Variants in DOP1B observed in about 807,000 individuals in gnomAD.
DOP1B encodes protein DOP1B.
A neutral mutation model predicts 233.5 loss-of-function variants in DOP1B; 174 were observed. The observed-to-expected ratio is 0.75, with a 90% CI of 0.66 to 0.85. The LOEUF (loss-of-function observed/expected upper bound fraction) is 0.85. Ranked by LOEUF, DOP1B falls within the 40% of genes least tolerant of loss-of-function variation. The probability of loss-of-function intolerance (pLI) is 0.00; values close to 1 mark genes in which losing one functional copy is unlikely to be tolerated. For missense variants in DOP1B, 2,652 were observed against 2,846.6 expected (o/e 0.93, Z 1.56); for synonymous variants, 1,190 against 1,185.6 (o/e 1.00, Z -0.08).
chr21:36,226,299 T>C lies in DOP1B; in HGVS notation c.1473+632T>C, dbSNP rs180897912. On this transcript the variant is annotated intron_variant, in intron 12 of 36. Transcript: ENST00000691173. ...TCTTTTCTCTGTCTCTCTCTCTCTT[T>C]TTTTTTTTTTCTCCTGTGACAGAGT... 3.1e-4 allele frequency among the ~76,000 whole-genome samples: 47 copies of C among 151,904 alleles called. No homozygotes were observed. The East Asian group carries it at 5.6e-3, about 18-fold the overall frequency.
At chr21:36,218,202 C>A (rs990588892) in intron 9 of DOP1B, among the ~76,000 whole-genome samples, 2 of 152,160 alleles carry the variant, frequency 1.3e-5, no homozygotes, top group Non-Finnish European at 2.9e-5. Flanking sequence ...ATTTTTGTAA[C>A]AAGCATTTAG....
intron 4 of DOP1B, among the ~76,000 whole-genome samples, chr21:36,205,739 C>T (rs543513890): frequency 6.6e-6 from 1 of 150,678 alleles, no homozygotes; most frequent in Non-Finnish European, 1.5e-5. Context: ...GGCATGGTGG[C>T]TCATGCCTGT....
intron 1 of DOP1B, among the ~76,000 whole-genome samples, chr21:36,162,710 TTA>T (rs1491470878): frequency 4.6e-5 from 7 of 151,890 alleles, no homozygotes; most frequent in Non-Finnish European, 8.8e-5. Context: ...CAGCTATTTT[TTA>T]TGTTTATTTT....
intron 28 of DOP1B, among the ~76,000 whole-genome samples, 191 bp downstream of exon 28, chr21:36,277,291 C>CT (rs986426848): frequency 2.6e-4 from 39 of 149,472 alleles, no homozygotes; most frequent in East Asian, 5.9e-4. Context: ...AAGGACTGCA[C>CT]TTTTTTTTTT....
intron 2 of DOP1B, among the ~76,000 whole-genome samples, chr21:36,185,172 A>G (rs1404199772): frequency 1.4e-5 from 2 of 141,814 alleles, no homozygotes; most frequent in East Asian, 4.0e-4. Flanking sequence ...ATCTCCCGAT[A>G]CTATGTTATT....
intron 2 of DOP1B, 25 bp from the exon 3 acceptor site, chr21:36,199,045 G>A: frequency 6.2e-7 from 1 of 1,600,810 alleles, no homozygotes; most frequent in South Asian, 1.1e-5. Context: ...TCTTCCTCAT[G>A]TGTTTTTTTT....
chr21:36,231,844 AT>A (rs35336231), intron 14 of DOP1B, among the ~76,000 whole-genome samples: 14,473 of 119,836 alleles, frequency 0.12, 1,103 homozygotes, highest in East Asian at 0.26. Context: ...CGCCCAGCTA[AT>A]TTTTTTTTTT....
At chr21:36,178,892 A>G (rs1436500973) in intron 2 of DOP1B, among the ~76,000 whole-genome samples, 1 of 152,242 alleles carries the variant, frequency 6.6e-6, no homozygotes, top group Non-Finnish European at 1.5e-5. Flanking sequence ...CTGTGAAACC[A>G]TCACCACAAT....
intron 35 of DOP1B, among the ~76,000 whole-genome samples, chr21:36,291,583 T>C (rs1302061158): frequency 1.3e-5 from 2 of 151,930 alleles, no homozygotes; most frequent in Non-Finnish European, 2.9e-5. Context: ...TGGGTTCCGA[T>C]ATATGTGAAT....
At chr21:36,226,318 A>T (rs1294838554) in intron 12 of DOP1B, among the ~76,000 whole-genome samples, 1 of 149,712 alleles carries the variant, frequency 6.7e-6, no homozygotes, top group Non-Finnish European at 1.5e-5. Context: ...TTCTCCTGTG[A>T]CAGAGTTTTG....
chr21:36,214,228 GT>G lies in DOP1B; in HGVS notation c.1014+39del, dbSNP rs751645295. The G allele has an allele frequency of 2.0e-6, 3 of 1,532,634 alleles. No homozygotes were observed. In the South Asian group the frequency reaches 3.4e-5, roughly 18 times the overall value. The allele number at this position is 1,532,634 out of a possible 1,614,324, so 94.9% of individuals were successfully genotyped here. A position where few individuals can be genotyped will look rare whatever the true frequency, so the allele number is the denominator to read the frequency against. ...TTCCGGAAAGTTCAGGGTATCCTTGGTGACGATTCTCCAGTGGATTTCTTTG... is the reference window on the plus strand; with the variant it reads ...TTCCGGAAAGTTCAGGGTATCCTTGGGACGATTCTCCAGTGGATTTCTTTG... On this transcript the variant is annotated intron_variant, in intron 8 of 36. Coordinates refer to ENST00000691173, the MANE Select transcript of DOP1B (RefSeq NM_001320714.2).
At chr21:36,262,619 G>A (rs1348521175) in intron 24 of DOP1B, among the ~76,000 whole-genome samples, 1 of 152,120 alleles carries the variant, frequency 6.6e-6, no homozygotes, top group African/African-American at 2.4e-5. Context: ...CGGGCACGGT[G>A]GCTCACGCTT....
chr21:36,181,458 T>C (rs1419098779), intron 2 of DOP1B, among the ~76,000 whole-genome samples: 1 of 152,060 alleles, frequency 6.6e-6, no homozygotes, highest in Non-Finnish European at 1.5e-5. Context: ...TTTGTATTTT[T>C]AGTAGAGACG....
chr21:36,292,056 T>A (rs776610902), intron 35 of DOP1B, 48 bp from the exon 36 acceptor site: 12 of 1,549,090 alleles, frequency 7.7e-6, no homozygotes, highest in Middle Eastern at 1.8e-4. Flanking sequence ...TTTAACGACG[T>A]TGAAGGCCTC....
At chr21:36,232,756 C>T (rs778557950) in intron 14 of DOP1B, 48 bp from the exon 15 acceptor site, 12 of 1,607,106 alleles carry the variant, frequency 7.5e-6, no homozygotes, top group African/African-American at 2.7e-5. Flanking sequence ...GGGACCCATT[C>T]TCACGTGGTT....
chr21:36,219,500 TTTGGCC>T lies in DOP1B; in HGVS notation c.1250+12_1250+17del, dbSNP rs2066600716. On this transcript the variant is annotated intron_variant, in intron 10 of 36. Coordinates refer to ENST00000691173, the MANE Select transcript of DOP1B (RefSeq NM_001320714.2). ...TGGAAATTCGCTGATAAGGTATGGGTTTGGCCTTGAACCTCACGCATCTCTCTCCCT... is the reference window on the plus strand; with the variant it reads ...TGGAAATTCGCTGATAAGGTATGGGTTTGAACCTCACGCATCTCTCTCCCT... 2 of 1,613,904 alleles carry T rather than the reference TTTGGCC, an allele frequency of 1.2e-6. No individual in the cohort carries two copies. Among genetic ancestry groups the T allele is most frequent in the East Asian group, 4.5e-5 (2 of 44,856 alleles).
chr21:36,263,850 A>G, intron 26 of DOP1B, 36 bp downstream of exon 26: 1 of 1,592,364 alleles, frequency 6.3e-7, no homozygotes, highest in South Asian at 1.1e-5. Context: ...AAATGATATT[A>G]CCCCAGCAGT....
chr21:36,260,931 T>C (rs2067162218), intron 24 of DOP1B, 199 bp downstream of exon 24: 1 of 1,391,374 alleles, frequency 7.2e-7, no homozygotes, highest in Admixed American at 3.4e-5. Flanking sequence ...TTAAAATCTG[T>C]GCAGCGTACT....
At chr21:36,287,370 C>A (rs1333643149) in intron 32 of DOP1B, among the ~76,000 whole-genome samples, 1 of 152,060 alleles carries the variant, frequency 6.6e-6, no homozygotes, top group Non-Finnish European at 1.5e-5. Flanking sequence ...TCTGCGTCTC[C>A]TCATTCATAT....
Sources: gnomAD v4.1 joint callset for allele counts (sites outside exome capture counted in the v4.1 genomes callset) on GRCh38, gnomAD v4.1.1 for gene constraint, MANE v1.5 for transcripts, NCBI Gene and HGNC (gene_info 2026-07-23, HGNC 2026-07-21) for gene names.